The following PLXDC2 variants were observed in gnomAD, a reference collection of about 807,000 sequenced individuals.
The protein encoded by PLXDC2 is plexin domain containing 2.
In PLXDC2, 40 loss-of-function variants were observed where a neutral mutation model predicts 68.9. That is an observed-to-expected ratio of 0.58 (90% CI 0.45 to 0.76). The LOEUF is 0.76. PLXDC2 is among the 30% of genes least tolerant of loss of function. The probability of loss-of-function intolerance (pLI) is 0.00; values close to 1 mark genes in which losing one functional copy is unlikely to be tolerated. For synonymous variants in PLXDC2, 243 were observed against 234.2 expected, an observed-to-expected ratio of 1.04 and a Z score of -0.34; for missense variants, 644 against 661.9, an observed-to-expected ratio of 0.97 and a Z score of 0.30.
At chr10:20,102,093 G>A (rs1833431117) in intron 4 of PLXDC2, among the ~76,000 whole-genome samples, 1 of 152,090 alleles carries the variant, frequency 6.6e-6, no homozygotes, top group Non-Finnish European at 1.5e-5. Flanking sequence ...GAGCCACTGT[G>A]CCCAGTCAGT....
At chr10:20,107,410 C>G (rs943715022) in intron 4 of PLXDC2, among the ~76,000 whole-genome samples, 1 of 151,996 alleles carries the variant, frequency 6.6e-6, no homozygotes, top group Non-Finnish European at 1.5e-5. Flanking sequence ...TTTGATATTT[C>G]TGAAAGAAGG....
intron 7 of PLXDC2, among the ~76,000 whole-genome samples, chr10:20,167,511 A>G (rs1044264397): frequency 2.6e-5 from 4 of 152,136 alleles, no homozygotes; most frequent in African/African-American, 9.6e-5. Flanking sequence ...AACACTCACT[A>G]TTAGGAATTG....
At chr10:20,047,654 G>T (rs989581989) in intron 3 of PLXDC2, among the ~76,000 whole-genome samples, 1 of 152,072 alleles carries the variant, frequency 6.6e-6, no homozygotes, top group Non-Finnish European at 1.5e-5. Context: ...ATTAATACCA[G>T]CCTCCCTTTC....
chr10:20,155,290 A>AG (rs1466518244), intron 6 of PLXDC2, among the ~76,000 whole-genome samples: 2 of 152,228 alleles, frequency 1.3e-5, no homozygotes, highest in Non-Finnish European at 2.9e-5. Context: ...TAGAATTTAT[A>AG]GAAAAAAGGT....
At chr10:19,885,350 T>A (rs1003237991) in intron 1 of PLXDC2, among the ~76,000 whole-genome samples, 1 of 151,042 alleles carries the variant, frequency 6.6e-6, no homozygotes, top group Non-Finnish European at 1.5e-5. Context: ...AGAAGCTCTT[T>A]AGTTTAATTA....
intron 4 of PLXDC2, among the ~76,000 whole-genome samples, chr10:20,120,453 C>A (rs1833681775): frequency 6.6e-6 from 1 of 152,158 alleles, no homozygotes. Flanking sequence ...ATACTAAGAG[C>A]CTGAAAAACT....
At chr10:19,979,555 C>G (rs1247601758) in intron 1 of PLXDC2, among the ~76,000 whole-genome samples, 6 of 151,896 alleles carry the variant, frequency 4.0e-5, no homozygotes, top group Non-Finnish European at 8.8e-5. Context: ...TATTTTTAGC[C>G]AAGGTGGGGT....
chr10:20,137,088 A>G (rs988470579), intron 4 of PLXDC2, among the ~76,000 whole-genome samples: 1 of 152,232 alleles, frequency 6.6e-6, no homozygotes, highest in Non-Finnish European at 1.5e-5. Context: ...TCAAACAAGA[A>G]TAAGGCAGAT....
chr10:20,014,600 A>C (rs1835178368), intron 2 of PLXDC2, among the ~76,000 whole-genome samples: 1 of 152,120 alleles, frequency 6.6e-6, no homozygotes, highest in South Asian at 2.1e-4. Flanking sequence ...ATGGAAATTA[A>C]AATTACTTTT....
At chr10:20,009,843 A>G (rs950203139) in intron 2 of PLXDC2, among the ~76,000 whole-genome samples, 1 of 151,608 alleles carries the variant, frequency 6.6e-6, no homozygotes, top group African/African-American at 2.4e-5. Context: ...GGAAACTGCT[A>G]TACAATATTA....
intron 2 of PLXDC2, among the ~76,000 whole-genome samples, chr10:20,023,761 C>CA (rs886622506): frequency 1.2e-5 from 1 of 85,200 alleles, no homozygotes; most frequent in Non-Finnish European, 2.2e-5. Flanking sequence ...CAGCCACTTT[C>CA]AAAAAAATGT....
At chr10:20,211,073 C>T (rs960951455) in intron 9 of PLXDC2, among the ~76,000 whole-genome samples, 1 of 152,094 alleles carries the variant, frequency 6.6e-6, no homozygotes, top group South Asian at 2.1e-4. Flanking sequence ...CCGAGGTAGA[C>T]ACTCTTAATA....
chr10:19,963,836 TA>T (rs61485230), intron 1 of PLXDC2, among the ~76,000 whole-genome samples: 37 of 145,596 alleles, frequency 2.5e-4, no homozygotes, highest in African/African-American at 4.3e-4. Flanking sequence ...TGAAGTATAA[TA>T]AAAAAAAAAA....
At chr10:19,930,154 A>G (rs1833602030) in intron 1 of PLXDC2, among the ~76,000 whole-genome samples, 1 of 152,086 alleles carries the variant, frequency 6.6e-6, no homozygotes, top group South Asian at 2.1e-4. Flanking sequence ...CACAGCAGGC[A>G]TTATACTCTT....
chr10:20,211,577 G>T, intron 9 of PLXDC2, 92 bp from the exon 10 acceptor site: 2 of 1,083,792 alleles, frequency 1.8e-6, no homozygotes, highest in Non-Finnish European at 1.3e-6. Flanking sequence ...ATGTGAGAAT[G>T]AACTACCTAC....
Position 20,284,312 on chromosome 10 carries a change from C to CATATATATATATACATATATATATAT in PLXDC2, c.*4506_*4507insCATATATATATATATATATATATATA, listed in dbSNP as rs1348129132. 3 of 125,316 alleles carry CATATATATATATACATATATATATAT rather than the reference C, an allele frequency of 2.4e-5. No homozygotes were observed. Among genetic ancestry groups the CATATATATATATACATATATATATAT allele is most frequent in the African/African-American group, 9.5e-5 (3 of 31,456 alleles). 7.8% of individuals were successfully genotyped at this position (125,316 alleles called of 1,614,324 possible). Reference sequence around the variant, plus strand: ...GTGAGACCCATCTCTATCAAATATACATATATATATATATATATACACACA... The same window carrying CATATATATATATACATATATATATAT: ...GTGAGACCCATCTCTATCAAATATACATATATATATATACATATATATATATATATATATATATATATATACACACA... On this transcript the variant is annotated 3_prime_UTR_variant, in exon 14 of 14. Coordinates refer to ENST00000377252, the MANE Select transcript of PLXDC2 (RefSeq NM_032812.9).
chr10:19,874,078 C>G (rs1171769425), intron 1 of PLXDC2, among the ~76,000 whole-genome samples: 3 of 152,260 alleles, frequency 2.0e-5, no homozygotes, highest in South Asian at 4.1e-4. Context: ...CTAAATTAGG[C>G]TTAACCCAAT....
rs1554777552 is a variant in PLXDC2 at position 20,238,668 on chromosome 10, T to TATATATATATATACACAC, written c.1313-6669_1313-6668insATATACACACATATATAT. ...AAGACTCCATCTCAAAAAAAATATA[T>TATATATATATATACACAC]ATATATATGTATATATATATATATA... On this transcript the variant is annotated intron_variant, in intron 12 of 13. Transcript: ENST00000377252. 2.9e-4 allele frequency among the ~76,000 whole-genome samples: 28 copies of TATATATATATATACACAC among 96,758 alleles called. 1 individual carries two copies. Among genetic ancestry groups the TATATATATATATACACAC allele is most frequent in the Non-Finnish European group, 5.5e-4 (27 of 49,330 alleles). 63.5% of individuals were successfully genotyped at this position (96,758 alleles called of 152,430 possible). A position where few individuals can be genotyped will look rare whatever the true frequency, so the allele number is the denominator to read the frequency against.
At chr10:19,839,357 A>AT (rs1327307580) in intron 1 of PLXDC2, among the ~76,000 whole-genome samples, 2 of 151,980 alleles carry the variant, frequency 1.3e-5, no homozygotes, top group Admixed American at 6.6e-5. Context: ...ACATTATGAG[A>AT]TTTTTTTGCA....
Sources: gnomAD v4.1 joint callset for allele counts (sites outside exome capture counted in the v4.1 genomes callset) on GRCh38, gnomAD v4.1.1 for gene constraint, MANE v1.5 for transcripts, NCBI Gene and HGNC (gene_info 2026-07-23, HGNC 2026-07-21) for gene names.